NOS1: variants seen among roughly 807,000 people sequenced by gnomAD.
NOS1 encodes NOS type I.
In NOS1, 51 loss-of-function variants were observed where a neutral mutation model predicts 164.5. That is an observed-to-expected ratio of 0.31 (90% CI 0.25 to 0.39). The LOEUF (loss-of-function observed/expected upper bound fraction) is 0.39, where lower values mean the gene tolerates loss of function less well. Among genes scored for constraint, NOS1 ranks in the 10% least tolerant of loss-of-function variants. NOS1 has a pLI of 1.00. For missense variants in NOS1, 1,362 were observed against 1,885.6 expected (o/e 0.72, Z 5.14); for synonymous variants, 719 against 745.8 (o/e 0.96, Z 0.59).
At chr12:117,247,802 C>T (rs1592948562) in intron 17 of NOS1, among the ~76,000 whole-genome samples, 3 of 151,952 alleles carry the variant, frequency 2.0e-5, no homozygotes, top group African/African-American at 7.2e-5. Context: ...AAAAATTAGC[C>T]GGGCATGGTG....
intron 1 of NOS1, among the ~76,000 whole-genome samples, chr12:117,352,367 C>T (rs1037310613): frequency 2.6e-5 from 4 of 152,062 alleles, no homozygotes; most frequent in African/African-American, 4.8e-5. Flanking sequence ...CATTCAGGCA[C>T]GCCTGGGCTA....
intron 1 of NOS1, among the ~76,000 whole-genome samples, chr12:117,340,433 T>C (rs181679856): frequency 1.4e-3 from 210 of 152,348 alleles, no homozygotes; most frequent in African/African-American, 4.9e-3. Context: ...CTCTGAGTCA[T>C]AGTTTCTGCA....
chr12:117,331,338 G>A lies in NOS1; in HGVS notation c.-269C>T. ...GGTTGACCAGGCAGACGTCAAGAGA[G>A]GCGGTGGGACGTGTCCCTAAGGTCA... is the stretch of plus-strand genomic sequence containing the variant. On this transcript the variant is annotated 5_prime_UTR_variant, in exon 2 of 29. Transcript: ENST00000317775. 1 of 479,052 alleles carries A rather than the reference G, an allele frequency of 2.1e-6. No individual in the cohort carries two copies. Among genetic ancestry groups the A allele is most frequent in the Non-Finnish European group, 3.8e-6 (1 of 265,590 alleles). 29.7% of individuals were successfully genotyped at this position (479,052 alleles called of 1,614,324 possible). A position where few individuals can be genotyped will look rare whatever the true frequency, so the allele number is the denominator to read the frequency against.
chr12:117,348,345 C>A (rs11068454), intron 1 of NOS1: 1 of 152,058 alleles, frequency 6.6e-6, no homozygotes, highest in Non-Finnish European at 1.5e-5. Context: ...TTTACTGACA[C>A]GTGACTCGGT....
At position 117,247,492 on chromosome 12, in the gene NOS1, T is replaced by A. The variant is rs766183915; in HGVS notation, c.2679A>T (p.Ala893=). Residue 893 remains alanine, a synonymous_variant, in exon 18 of 29, where the codon GCA becomes GCT. Transcript: ENST00000317775. ...GTCCGAAGGCGCAAAAGTGAGGGTATGCTCGTGAGCCGAGGCCAAAAACTG... is the reference window on the plus strand; with the variant it reads ...GTCCGAAGGCGCAAAAGTGAGGGTAAGCTCGTGAGCCGAGGCCAAAAACTG... ...RFSVFGLGSR[A]YPHFCAFGHA... 7 of 1,612,086 alleles carry A rather than the reference T, an allele frequency of 4.3e-6. No individual in the cohort carries two copies. Among genetic ancestry groups the A allele is most frequent in the Non-Finnish European group, 5.1e-6 (6 of 1,179,348 alleles).
chr12:117,250,223 T>C (rs1315121128), intron 17 of NOS1, among the ~76,000 whole-genome samples: 2 of 152,134 alleles, frequency 1.3e-5, no homozygotes, highest in Non-Finnish European at 2.9e-5. Flanking sequence ...TCTACACTCA[T>C]ATTGTAACAT....
At position 117,259,842 on chromosome 12, in the gene NOS1, G is replaced by A. The variant is rs532721173; in HGVS notation, c.2367+623C>T. Among the ~76,000 whole-genome samples the A allele has an allele frequency of 2.7e-4, 41 of 151,740 alleles. 1 individual carries two copies. The East Asian group carries it at 5.3e-3, about 20-fold the overall frequency. Reference sequence around the variant, plus strand: ...AGCAATGAAAACCATCGAGCTGGCCGGGTGCGGTGGCTCACGCCTGTAATC... The same window carrying A: ...AGCAATGAAAACCATCGAGCTGGCCAGGTGCGGTGGCTCACGCCTGTAATC... On this transcript the variant is annotated intron_variant, in intron 14 of 28. Transcript: ENST00000317775.
chr12:117,226,727 G>C lies in NOS1; in HGVS notation c.3660C>G (p.Leu1220=), dbSNP rs1868709673. Residue 1220 remains leucine, a synonymous_variant, in exon 24 of 29, where the codon CTC becomes CTG. Transcript: ENST00000317775. The stretch of plus-strand genomic sequence containing the variant: ...CCAGTTCGTCAGCCTGTATCCGGTT[G>C]AGCCAGGAGGAGCATACGCCGTGGT... ...PIHHGVCSSW[L]NRIQADELVP... 6.2e-7 allele frequency: 1 copy of C among 1,613,890 alleles called. No homozygotes were observed. Among genetic ancestry groups the C allele is most frequent in the African/African-American group, 1.3e-5 (1 of 74,888 alleles).
intron 1 of NOS1, among the ~76,000 whole-genome samples, chr12:117,351,067 TCG>T (rs369872233): frequency 1.4e-4 from 21 of 151,798 alleles, no homozygotes; most frequent in African/African-American, 4.6e-4. Context: ...TGAGCCGAGA[TCG>T]CGCCACTGCA....
intron 18 of NOS1, among the ~76,000 whole-genome samples, chr12:117,245,396 G>A (rs902428902): frequency 6.6e-6 from 1 of 152,124 alleles, no homozygotes; most frequent in Non-Finnish European, 1.5e-5. Context: ...TGGCCAATAG[G>A]ATGTCTTATC....
intron 17 of NOS1, among the ~76,000 whole-genome samples, chr12:117,251,468 A>G (rs984703741): frequency 6.6e-6 from 1 of 152,150 alleles, no homozygotes; most frequent in African/African-American, 2.4e-5. Flanking sequence ...GGAATGTAGT[A>G]GTAGCGTGAT....
chr12:117,231,998 G>T lies in NOS1; in HGVS notation c.3369C>A (p.Ser1123Arg). The change falls in exon 22 of 29, where the codon AGC becomes AGA. Residue 1123 changes from serine to arginine, a missense_variant. Ser to Arg is a moderately radical substitution (Grantham distance 110). Transcript: ENST00000317775. ...CCAGCAGACGCTGCTTCTCCTTCTC[G>T]CTGGTAGCTAGGGAGGCAAACTGCT... is the stretch of plus-strand genomic sequence containing the variant. Reference protein sequence around the residue: ...QLQQFASLATSEKEKQRLLVL... With the variant: ...QLQQFASLATREKEKQRLLVL... The T allele has an allele frequency of 1.2e-6, 2 of 1,612,910 alleles. No homozygotes were observed. Among genetic ancestry groups the T allele is most frequent in the Non-Finnish European group, 1.7e-6 (2 of 1,179,932 alleles).
Position 117,337,184 on chromosome 12 carries a change from C to T in NOS1, c.-420-5695G>A, listed in dbSNP as rs185613743. Among the ~76,000 whole-genome samples, 987 of 137,806 alleles carry T rather than the reference C, an allele frequency of 7.2e-3. 7 individuals carry two copies. The highest frequency in any genetic ancestry group is 0.029 in the Middle Eastern group (6 of 210). 90.4% of individuals were successfully genotyped at this position (137,806 alleles called of 152,430 possible). A position where few individuals can be genotyped will look rare whatever the true frequency, so the allele number is the denominator to read the frequency against. On this transcript the variant is annotated intron_variant, in intron 1 of 28. Coordinates refer to ENST00000317775, the MANE Select transcript of NOS1 (RefSeq NM_000620.5). ...AGGCTGGAGTGCAGTGGCGCGATCTCGGCTCACCGCAAGCTCTGCCTCCCA... is the reference window on the plus strand; with the variant it reads ...AGGCTGGAGTGCAGTGGCGCGATCTTGGCTCACCGCAAGCTCTGCCTCCCA...
At chr12:117,343,259 A>AGGAG (rs1491211768) in intron 1 of NOS1, among the ~76,000 whole-genome samples, 1 of 151,170 alleles carries the variant, frequency 6.6e-6, no homozygotes, top group African/African-American at 2.4e-5. Context: ...GAAGGAAGGA[A>AGGAG]GAGAGGGAGG....
chr12:117,272,557 A>C lies in NOS1; in HGVS notation c.1667T>G (p.Phe556Cys). 6.2e-7 allele frequency: 1 copy of C among 1,613,208 alleles called. No homozygotes were observed. Among genetic ancestry groups the C allele is most frequent in the Non-Finnish European group, 8.5e-7 (1 of 1,179,618 alleles). The change falls in exon 10 of 29, where the codon TTT (phenylalanine) becomes TGT (cysteine). Residue 556 changes from phenylalanine (F) to cysteine (C), a missense_variant and splice_region_variant. Transcript: ENST00000317775. The surrounding 1 kb of genome is among the most constrained non-coding windows in gnomAD (Gnocchi z 4.3). ...VLEVPIRHPK[F>C]EWFKDLGLKW... ...CAGCCCCAGGTCCTTGAACCACTCAAACCTGCAGGGAGCAACAGGGCCCAG... is the reference window on the plus strand; with the variant it reads ...CAGCCCCAGGTCCTTGAACCACTCACACCTGCAGGGAGCAACAGGGCCCAG...
At position 117,270,334 on chromosome 12, in the gene NOS1, G is replaced by A. The variant is rs896353525; in HGVS notation, c.1839+2051C>T. ...TGACAGGTGGAATTGGAGGGTCGGG[G>A]TGGGAGAGAGGCTCATTTCAGTTAC... On this transcript the variant is annotated intron_variant, in intron 10 of 28. Transcript: ENST00000317775. Among the ~76,000 whole-genome samples, 11 of 152,166 alleles carry A rather than the reference G, an allele frequency of 7.2e-5. No individual in the cohort carries two copies. In the East Asian group the frequency reaches 2.1e-3, roughly 30 times the overall value.
intron 4 of NOS1, 118 bp from the exon 5 acceptor site, chr12:117,288,337 G>T: frequency 1.1e-6 from 1 of 931,890 alleles, no homozygotes; most frequent in Non-Finnish European, 1.6e-6. Context: ...ATTCCCAGAG[G>T]CAGTTTCTCA....
chr12:117,287,493 C>T (rs1872786226), intron 5 of NOS1, among the ~76,000 whole-genome samples: 2 of 151,954 alleles, frequency 1.3e-5, no homozygotes, highest in Admixed American at 1.3e-4. Context: ...GGCTGGAGTG[C>T]AGTGGTGTGA....
chr12:117,242,510 T>C (rs973255094), intron 20 of NOS1, 117 bp downstream of exon 20: 2 of 859,062 alleles, frequency 2.3e-6, no homozygotes, highest in Middle Eastern at 2.5e-4. Flanking sequence ...GGGGTCTCTA[T>C]GGCACTTTGC....
Sources: allele counts gnomAD v4.1 joint callset (sites outside exome capture counted in the v4.1 genomes callset), GRCh38; gene constraint gnomAD v4.1.1; non-coding constraint Gnocchi (gnomAD v3.1); transcripts MANE v1.5; gene names NCBI Gene and HGNC (gene_info 2026-07-23, HGNC 2026-07-21).